The following PTPN21 variants were observed in gnomAD, a reference collection of about 807,000 sequenced individuals.
The protein encoded by PTPN21 is protein tyrosine phosphatase non-receptor type 21, also known as tyrosine-protein phosphatase non-receptor type 21.
In PTPN21, 77 loss-of-function variants were observed where a neutral mutation model predicts 131.8. That is an observed-to-expected ratio of 0.58 (90% confidence interval 0.49 to 0.71). The LOEUF is 0.71. PTPN21 is among the 30% of genes least tolerant of loss of function. The pLI is 0.00. For synonymous variants in PTPN21, 715 were observed against 621.3 expected (o/e 1.15, Z -2.24); for missense variants, 1,552 against 1,527.1 (o/e 1.02, Z -0.27).
At chr14:88,529,124 G>T (rs1014285139) in intron 2 of PTPN21, among the ~76,000 whole-genome samples, 6 of 152,148 alleles carry the variant, frequency 3.9e-5, no homozygotes, top group South Asian at 2.1e-4. Context: ...TGTCATAGAT[G>T]GCTTTTATTA....
intron 14 of PTPN21, among the ~76,000 whole-genome samples, chr14:88,472,699 G>A (rs371742814): frequency 9.2e-5 from 14 of 152,010 alleles, no homozygotes; most frequent in Admixed American, 8.5e-4. Flanking sequence ...GTGAGACCCC[G>A]TCTCTGCAAA....
At chr14:88,513,288 C>T (rs1229177710) in intron 3 of PTPN21, among the ~76,000 whole-genome samples, 1 of 152,216 alleles carries the variant, frequency 6.6e-6, no homozygotes, top group Non-Finnish European at 1.5e-5. Flanking sequence ...CCTCAGTCTC[C>T]TGAGCAGCTG....
intron 2 of PTPN21, among the ~76,000 whole-genome samples, chr14:88,535,436 G>A (rs2078616273): frequency 6.6e-6 from 1 of 152,162 alleles, no homozygotes; most frequent in African/African-American, 2.4e-5. Context: ...AAAAGGCTCG[G>A]CCTTTGAGTC....
chr14:88,548,337 C>A (rs2078812590), intron 2 of PTPN21, among the ~76,000 whole-genome samples: 1 of 152,212 alleles, frequency 6.6e-6, no homozygotes, highest in South Asian at 2.1e-4. Context: ...TACAGTCGGC[C>A]TTTCCTCCAC....
chr14:88,508,045 G>A, intron 3 of PTPN21, 25 bp from the exon 4 acceptor site: 2 of 1,308,538 alleles, frequency 1.5e-6, no homozygotes, highest in East Asian at 2.3e-5. Flanking sequence ...AGTTGTATAA[G>A]GTCAATGTCA....
intron 5 of PTPN21, 39 bp from the exon 6 acceptor site, chr14:88,504,534 C>A: frequency 6.6e-7 from 1 of 1,520,782 alleles, no homozygotes; most frequent in South Asian, 1.1e-5. Flanking sequence ...TGACAATTCA[C>A]CCCAATTTCT....
intron 2 of PTPN21, among the ~76,000 whole-genome samples, chr14:88,548,095 T>C (rs1001874278): frequency 1.3e-5 from 2 of 152,126 alleles, no homozygotes; most frequent in Admixed American, 1.3e-4. Context: ...ATGCTAACCC[T>C]TCTCTATTAC....
chr14:88,535,507 T>C (rs1473612290), intron 2 of PTPN21, among the ~76,000 whole-genome samples: 1 of 152,188 alleles, frequency 6.6e-6, no homozygotes, highest in African/African-American at 2.4e-5. Context: ...TGTTTCTTAA[T>C]AGGGAATTTA....
At chr14:88,496,026 T>G (rs1371863382) in intron 10 of PTPN21, among the ~76,000 whole-genome samples, 3 of 152,208 alleles carry the variant, frequency 2.0e-5, no homozygotes, top group Non-Finnish European at 4.4e-5. Flanking sequence ...TGTGCTTTAT[T>G]GATCTGGCAA....
At chr14:88,499,041 GC>G (rs1232444941) in intron 8 of PTPN21, among the ~76,000 whole-genome samples, 1 of 152,202 alleles carries the variant, frequency 6.6e-6, no homozygotes, top group Non-Finnish European at 1.5e-5. Flanking sequence ...CCAGGTAGAA[GC>G]CTCAAGTTTC....
chr14:88,477,472 C>CAAAAAAAAAAA (rs2077565162), intron 13 of PTPN21, among the ~76,000 whole-genome samples: 1 of 86,866 alleles, frequency 1.2e-5, no homozygotes, highest in Non-Finnish European at 2.6e-5. Context: ...AAAAAAAAAG[C>CAAAAAAAAAAA]AAATTTAAAT....
chr14:88,548,647 A>G (rs763727843), intron 2 of PTPN21, among the ~76,000 whole-genome samples: 3 of 152,186 alleles, frequency 2.0e-5, no homozygotes, highest in Non-Finnish European at 4.4e-5. Context: ...GAGTGATCAT[A>G]TAAGTGATTG....
intron 7 of PTPN21, 189 bp downstream of exon 7, chr14:88,501,092 A>G: frequency 3.0e-6 from 2 of 668,594 alleles, no homozygotes; most frequent in South Asian, 1.9e-5. Flanking sequence ...AGACCATTTC[A>G]AAGTATGAAC....
chr14:88,495,506 C>T (rs1425942004), intron 10 of PTPN21, among the ~76,000 whole-genome samples: 1 of 152,006 alleles, frequency 6.6e-6, no homozygotes, highest in Non-Finnish European at 1.5e-5. Context: ...ACTAAAAATA[C>T]AAAATTAGTG....
intron 3 of PTPN21, among the ~76,000 whole-genome samples, chr14:88,512,824 C>A (rs1469290030): frequency 6.6e-6 from 1 of 152,172 alleles, no homozygotes; most frequent in Non-Finnish European, 1.5e-5. Context: ...GATACAAGTT[C>A]ATTTTAGTCA....
chr14:88,471,924 A>G (rs2077475712), intron 15 of PTPN21, among the ~76,000 whole-genome samples: 2 of 138,942 alleles, frequency 1.4e-5, no homozygotes, highest in African/African-American at 3.2e-5. Flanking sequence ...AGGCAAAAGA[A>G]AAAAAAAAAA....
chr14:88,473,567 T>C, intron 14 of PTPN21, 98 bp downstream of exon 14: 1 of 1,397,378 alleles, frequency 7.2e-7, no homozygotes, highest in South Asian at 1.4e-5. Flanking sequence ...TATTATTAAA[T>C]TGTGTTAGAA....
At chr14:88,505,489 T>A (rs878991223) in intron 4 of PTPN21, 118 bp from the exon 5 acceptor site, 2 of 617,070 alleles carry the variant, frequency 3.2e-6, no homozygotes, top group African/African-American at 3.8e-5. Flanking sequence ...GAAGTCAAAT[T>A]TGTTATAGCT....
At chr14:88,477,757 G>A (rs1344237879) in intron 13 of PTPN21, among the ~76,000 whole-genome samples, 1 of 152,104 alleles carries the variant, frequency 6.6e-6, no homozygotes, top group Non-Finnish European at 1.5e-5. Context: ...CTCAAGTGCA[G>A]GGCATGAGGA....
Sources: gnomAD v4.1 joint callset for allele counts (sites outside exome capture counted in the v4.1 genomes callset) on GRCh38, gnomAD v4.1.1 for gene constraint, MANE v1.5 for transcripts, NCBI Gene and HGNC (gene_info 2026-07-23, HGNC 2026-07-21) for gene names.